Variants in EXOC6B observed in about 807,000 individuals in gnomAD.
EXOC6B encodes the protein exocyst complex component 6B, also known as SEC15 homolog B.
Under a neutral mutation model 113.5 loss-of-function variants are expected in EXOC6B, and 54 were observed. The observed-to-expected ratio is 0.48, with a 90% CI of 0.38 to 0.60. The LOEUF is 0.60. EXOC6B is among the 20% of genes least tolerant of loss of function. The pLI is 0.00. For missense variants in EXOC6B, 797 were observed against 977.5 expected, an observed-to-expected ratio of 0.82 and a Z score of 2.46; for synonymous variants, 357 against 339.0, an observed-to-expected ratio of 1.05 and a Z score of -0.58.
intron 20 of EXOC6B, among the ~76,000 whole-genome samples, chr2:72,195,250 T>G (rs1375979675): frequency 6.6e-6 from 1 of 152,194 alleles, no homozygotes; most frequent in African/African-American, 2.4e-5. Context: ...AAGTATTCCT[T>G]TGAGTCCGAG....
At chr2:72,584,983 C>T (rs571424787) in intron 6 of EXOC6B, among the ~76,000 whole-genome samples, 1 of 152,096 alleles carries the variant, frequency 6.6e-6, no homozygotes, top group Non-Finnish European at 1.5e-5. Context: ...CACAACATAC[C>T]AAGATATCTG....
chr2:72,296,380 T>C (rs1473158922), intron 20 of EXOC6B, among the ~76,000 whole-genome samples: 2 of 152,178 alleles, frequency 1.3e-5, no homozygotes, highest in African/African-American at 4.8e-5. Context: ...ACAATGCCAC[T>C]GTCCTCTTCA....
chr2:72,542,717 G>C (rs1702673600), intron 8 of EXOC6B, among the ~76,000 whole-genome samples: 1 of 152,098 alleles, frequency 6.6e-6, no homozygotes, highest in South Asian at 2.1e-4. Context: ...TCCCTTATAT[G>C]ATCTTTCACT....
chr2:72,649,359 T>TA (rs2104393071), intron 6 of EXOC6B, among the ~76,000 whole-genome samples: 1 of 152,254 alleles, frequency 6.6e-6, no homozygotes, highest in South Asian at 2.1e-4. Context: ...AGAGTATGAT[T>TA]AGATTGCTTG....
chr2:72,229,732 C>T (rs1681482733), intron 20 of EXOC6B, among the ~76,000 whole-genome samples: 1 of 152,140 alleles, frequency 6.6e-6, no homozygotes. Context: ...CCTGAATTCC[C>T]AATGAAGATT....
At chr2:72,242,800 A>T (rs1269323739) in intron 20 of EXOC6B, among the ~76,000 whole-genome samples, 1 of 152,170 alleles carries the variant, frequency 6.6e-6, no homozygotes, top group East Asian at 1.9e-4. Context: ...TAGTGCAATC[A>T]TAGCTCACTG....
chr2:72,585,770 C>A (rs888269749), intron 6 of EXOC6B, among the ~76,000 whole-genome samples: 6 of 151,974 alleles, frequency 3.9e-5, no homozygotes, highest in Non-Finnish European at 1.5e-5. Flanking sequence ...CCCTGCTAGA[C>A]CAATATCGAG....
intron 20 of EXOC6B, among the ~76,000 whole-genome samples, chr2:72,187,388 C>A (rs909483393): frequency 5.9e-5 from 9 of 151,936 alleles, no homozygotes; most frequent in Admixed American, 6.6e-5. Context: ...TTCAGTGGGT[C>A]TCAAGTTCTT....
chr2:72,805,847 T>G (rs192151786), intron 1 of EXOC6B, among the ~76,000 whole-genome samples: 32 of 152,266 alleles, frequency 2.1e-4, no homozygotes, highest in Admixed American at 1.9e-3. Context: ...GAGTTAAATT[T>G]TTTTCAATTC....
At chr2:72,498,818 G>A (rs11126370) in intron 12 of EXOC6B, among the ~76,000 whole-genome samples, 127,391 of 152,004 alleles carry the variant, frequency 0.84, 54,209 homozygotes, top group East Asian at 0.99. Flanking sequence ...GGTATACTAT[G>A]GGATAAGTCC....
At chr2:72,656,023 T>G (rs962455913) in intron 6 of EXOC6B, among the ~76,000 whole-genome samples, 13 of 152,128 alleles carry the variant, frequency 8.5e-5, no homozygotes, top group African/African-American at 2.7e-4. Flanking sequence ...TATCACTGTT[T>G]CTTTGAAATG....
intron 20 of EXOC6B, among the ~76,000 whole-genome samples, chr2:72,226,065 C>T (rs1047364243): frequency 3.3e-5 from 5 of 151,928 alleles, no homozygotes; most frequent in African/African-American, 1.2e-4. Context: ...GAATGTAAAA[C>T]CCCTTTTAAA....
At chr2:72,523,508 G>A (rs1701594876) in intron 8 of EXOC6B, among the ~76,000 whole-genome samples, 1 of 152,174 alleles carries the variant, frequency 6.6e-6, no homozygotes, top group African/African-American at 2.4e-5. Context: ...GCTGGGCGCG[G>A]TGGCTCACGC....
At chr2:72,430,151 A>T (rs1251389592) in intron 18 of EXOC6B, among the ~76,000 whole-genome samples, 1 of 152,256 alleles carries the variant, frequency 6.6e-6, no homozygotes, top group Non-Finnish European at 1.5e-5. Context: ...ACATCTTTTC[A>T]TCTTATTACT....
chr2:72,583,012 T>C (rs1705327801), intron 6 of EXOC6B, among the ~76,000 whole-genome samples: 2 of 152,112 alleles, frequency 1.3e-5, no homozygotes, highest in Admixed American at 1.3e-4. Context: ...AAGAAATTAA[T>C]TAGAGCTTCT....
chr2:72,579,342 T>C (rs1004418218), intron 6 of EXOC6B, among the ~76,000 whole-genome samples: 2 of 152,154 alleles, frequency 1.3e-5, no homozygotes, highest in African/African-American at 4.8e-5. Flanking sequence ...AGCACCTCAG[T>C]GTATACAACT....
intron 1 of EXOC6B, among the ~76,000 whole-genome samples, chr2:72,814,693 T>A (rs1359676615): frequency 2.6e-5 from 4 of 152,328 alleles, no homozygotes; most frequent in South Asian, 2.1e-4. Context: ...CTCAATTTTT[T>A]AAAAAAATTA....
intron 8 of EXOC6B, among the ~76,000 whole-genome samples, chr2:72,518,483 G>GGTGT (rs138382972): frequency 0.011 from 1,565 of 143,460 alleles, 31 homozygotes; most frequent in African/African-American, 0.033. Flanking sequence ...ATTAAAGTAG[G>GGTGT]GTGTGTGTGT....
intron 6 of EXOC6B, among the ~76,000 whole-genome samples, chr2:72,655,410 A>C (rs1674505000): frequency 6.6e-6 from 1 of 152,088 alleles, no homozygotes. Flanking sequence ...AAATGCAAGA[A>C]GACAATGGAG....
Sources: allele counts gnomAD v4.1 joint callset (sites outside exome capture counted in the v4.1 genomes callset), GRCh38; gene constraint gnomAD v4.1.1; transcripts MANE v1.5; gene names NCBI Gene and HGNC (gene_info 2026-07-23, HGNC 2026-07-21).